SPAG16: variants seen among roughly 807,000 people sequenced by gnomAD.
SPAG16 encodes sperm-associated antigen 16 protein.
SPAG16 carries 86 observed loss-of-function variants against 80.4 expected under a neutral mutation model. The ratio of observed to expected loss-of-function variants is 1.07; its 90% CI spans 0.90 to 1.28. The LOEUF (loss-of-function observed/expected upper bound fraction) is 1.28, where lower values mean the gene tolerates loss of function less well. SPAG16 is among the 50% of genes most tolerant of loss of function. SPAG16 has a pLI of 0.00. For synonymous variants in SPAG16, 294 were observed against 265.9 expected (o/e 1.11, Z -1.03); for missense variants, 870 against 765.3 (o/e 1.14, Z -1.61).
Position 214,056,280 on chromosome 2 carries a change from T to TACACAC in SPAG16, c.1527+42232_1527+42237dup, listed in dbSNP as rs60247479. 6.7e-3 allele frequency among the ~76,000 whole-genome samples: 963 copies of TACACAC among 144,646 alleles called. 5 individuals are homozygous for TACACAC. The highest frequency in any genetic ancestry group is 0.01 in the Middle Eastern group (3 of 286). The allele number at this position is 144,646 out of a possible 152,430, so 94.9% of individuals were successfully genotyped here. A position where few individuals can be genotyped will look rare whatever the true frequency, so the allele number is the denominator to read the frequency against. ...TTTTTTGCACAAGATGTAGTAGAAA[T>TACACAC]ACACACACACACACACACACACACA... On this transcript the variant is annotated intron_variant, in intron 13 of 15. Transcript: ENST00000331683.
chr2:214,135,637 G>A (rs2055006754), intron 14 of SPAG16, among the ~76,000 whole-genome samples: 1 of 152,148 alleles, frequency 6.6e-6, no homozygotes, highest in South Asian at 2.1e-4. Flanking sequence ...GAGGGGATGA[G>A]TGAGTTTCTA....
intron 4 of SPAG16, among the ~76,000 whole-genome samples, chr2:213,316,186 T>A (rs2063392924): frequency 6.6e-6 from 1 of 151,978 alleles, no homozygotes; most frequent in South Asian, 2.1e-4. Context: ...GCCACTCTGC[T>A]CCTCCTGCAT....
intron 15 of SPAG16, among the ~76,000 whole-genome samples, chr2:214,376,638 C>A (rs1455336713): frequency 6.6e-6 from 1 of 152,100 alleles, no homozygotes; most frequent in Non-Finnish European, 1.5e-5. Flanking sequence ...TTACAGTCAG[C>A]CTAACCAAGC....
chr2:213,584,831 A>G (rs1053954142), intron 10 of SPAG16, among the ~76,000 whole-genome samples: 2 of 152,162 alleles, frequency 1.3e-5, no homozygotes, highest in African/African-American at 2.4e-5. Context: ...AGTGAGTCCA[A>G]CTAGCATGCC....
intron 10 of SPAG16, among the ~76,000 whole-genome samples, chr2:213,754,049 G>A (rs956813278): frequency 1.3e-5 from 2 of 152,132 alleles, no homozygotes. Context: ...TTATCAAAAG[G>A]TGATCTATTA....
chr2:214,338,042 A>C (rs929228272), intron 15 of SPAG16, among the ~76,000 whole-genome samples: 1 of 152,190 alleles, frequency 6.6e-6, no homozygotes, highest in Non-Finnish European at 1.5e-5. Context: ...GAAGTTGAAG[A>C]TATTATCCAC....
chr2:213,883,500 A>G (rs1249492470), intron 11 of SPAG16, among the ~76,000 whole-genome samples: 1 of 152,136 alleles, frequency 6.6e-6, no homozygotes, highest in Non-Finnish European at 1.5e-5. Context: ...TGTTCGGTAG[A>G]ATGTTCAGTA....
intron 10 of SPAG16, among the ~76,000 whole-genome samples, chr2:213,523,588 T>C (rs6435779): frequency 0.43 from 65,767 of 152,000 alleles, 15,026 homozygotes; most frequent in Middle Eastern, 0.56. Flanking sequence ...TTGGAGGGCT[T>C]AGAAAACTGG....
At chr2:214,133,862 A>C (rs2054910465) in intron 14 of SPAG16, among the ~76,000 whole-genome samples, 1 of 152,106 alleles carries the variant, frequency 6.6e-6, no homozygotes, top group Non-Finnish European at 1.5e-5. Context: ...TGGAGTTTGG[A>C]TCCTTTTGTT....
At chr2:214,209,486 C>G (rs1330355805) in intron 15 of SPAG16, among the ~76,000 whole-genome samples, 1 of 152,130 alleles carries the variant, frequency 6.6e-6, no homozygotes, top group African/African-American at 2.4e-5. Flanking sequence ...AAAGCATATC[C>G]ACTCACACAA....
intron 13 of SPAG16, among the ~76,000 whole-genome samples, chr2:214,071,569 AT>A (rs1183118399): frequency 2.0e-5 from 3 of 152,138 alleles, no homozygotes; most frequent in Non-Finnish European, 4.4e-5. Context: ...ATTTTTCTAT[AT>A]TAACCCAACA....
chr2:213,722,151 A>T (rs1307854384), intron 10 of SPAG16, among the ~76,000 whole-genome samples: 2 of 152,238 alleles, frequency 1.3e-5, no homozygotes, highest in Non-Finnish European at 2.9e-5. Context: ...CTACTTATAA[A>T]GAATTAAAAA....
At chr2:213,476,406 G>A (rs1027747763) in intron 9 of SPAG16, among the ~76,000 whole-genome samples, 1 of 152,182 alleles carries the variant, frequency 6.6e-6, no homozygotes, top group African/African-American at 2.4e-5. Flanking sequence ...TTGGAATAAA[G>A]TGAACATTTC....
chr2:213,622,323 C>T (rs1302943328), intron 10 of SPAG16, among the ~76,000 whole-genome samples: 2 of 152,194 alleles, frequency 1.3e-5, no homozygotes, highest in Non-Finnish European at 2.9e-5. Context: ...CTCATCAGAT[C>T]ACCATGTCCA....
intron 15 of SPAG16, among the ~76,000 whole-genome samples, chr2:214,211,764 T>C (rs1048398342): frequency 6.6e-6 from 1 of 152,138 alleles, no homozygotes; most frequent in Non-Finnish European, 1.5e-5. Flanking sequence ...GGCCAGCAAA[T>C]TGTCAAGTAA....
rs181752779 is a variant in SPAG16, at chr2:213,330,875, T to C, written c.537-9288T>C. Among the ~76,000 whole-genome samples the C allele has an allele frequency of 4.6e-5, 7 of 152,266 alleles. No individual in the cohort carries two copies. The East Asian group carries it at 1.4e-3, about 29-fold the overall frequency. On this transcript the variant is annotated intron_variant, in intron 5 of 15. Coordinates refer to ENST00000331683, the MANE Select transcript of SPAG16 (RefSeq NM_024532.5). ...TGACAGCAAATAATCCTCATGAGAT[T>C]TGATGGTTTTAAAAAGGGGAGTTTA...
At chr2:213,607,049 A>G (rs1319018810) in intron 10 of SPAG16, among the ~76,000 whole-genome samples, 2 of 152,212 alleles carry the variant, frequency 1.3e-5, no homozygotes, top group African/African-American at 4.8e-5. Flanking sequence ...CATCAGAAAG[A>G]TGATATGTTT....
intron 9 of SPAG16, among the ~76,000 whole-genome samples, chr2:213,388,237 C>G (rs916284603): frequency 6.6e-6 from 1 of 152,220 alleles, no homozygotes; most frequent in Admixed American, 6.5e-5. Flanking sequence ...GCTCTTATCT[C>G]TAACTACTGC....
intron 10 of SPAG16, among the ~76,000 whole-genome samples, chr2:213,780,571 CTTTT>C (rs367744311): frequency 8.0e-6 from 1 of 124,608 alleles, no homozygotes; most frequent in Non-Finnish European, 1.6e-5. Flanking sequence ...TCTTTTCTTT[CTTTT>C]TTTTTTTTTT....
Sources: gnomAD v4.1 joint callset for allele counts (sites outside exome capture counted in the v4.1 genomes callset) on GRCh38, gnomAD v4.1.1 for gene constraint, MANE v1.5 for transcripts, NCBI Gene and HGNC (gene_info 2026-07-23, HGNC 2026-07-21) for gene names.